Variants in RUNX3 observed in about 807,000 individuals in gnomAD.
RUNX3 encodes runt-related transcription factor 3.
RUNX3 carries 10 observed loss-of-function variants against 27.7 expected under a neutral mutation model. The ratio of observed to expected loss-of-function variants is 0.36; its 90% confidence interval spans 0.22 to 0.61. The LOEUF (loss-of-function observed/expected upper bound fraction) is 0.61, where lower values mean the gene tolerates loss of function less well. Ranked by LOEUF, RUNX3 falls within the 20% of genes least tolerant of loss-of-function variation. The probability of loss-of-function intolerance (pLI) is 0.72; values close to 1 mark genes in which losing one functional copy is unlikely to be tolerated. For missense variants in RUNX3, 469 were observed against 629.5 expected, an observed-to-expected ratio of 0.75 and a Z score of 2.73; for synonymous variants, 270 against 269.2, an observed-to-expected ratio of 1.00 and a Z score of -0.03.
In RUNX3 at chr1:24,908,043, T is replaced by C. The variant is rs909801681; in HGVS notation, c.545-626A>G. Reference sequence around the variant, plus strand: ...TGATCCGAACCTCAACCACACGCGGTGATCCGAACCTCTACGACACACGGT... The same window carrying C: ...TGATCCGAACCTCAACCACACGCGGCGATCCGAACCTCTACGACACACGGT... On this transcript the variant is annotated intron_variant, in intron 3 of 4. Transcript: ENST00000308873. 4.0e-5 allele frequency among the ~76,000 whole-genome samples: 6 copies of C among 151,466 alleles called. 1 individual carries two copies. The highest frequency in any genetic ancestry group is 1.5e-4 in the African/African-American group (6 of 41,070).
intron 2 of RUNX3, among the ~76,000 whole-genome samples, chr1:24,953,380 G>GA (rs1641822900): frequency 2.5e-5 from 1 of 40,124 alleles, no homozygotes; most frequent in African/African-American, 1.0e-4. Flanking sequence ...AAAAAAAAAA[G>GA]AAAAGAAAAG....
intron 2 of RUNX3, among the ~76,000 whole-genome samples, chr1:24,941,374 C>T (rs1015532913): frequency 6.6e-6 from 1 of 152,226 alleles, no homozygotes; most frequent in Non-Finnish European, 1.5e-5. Context: ...AGCAACCTCA[C>T]CCGAGGAGCC....
At chr1:24,905,138 T>C (rs1048382749) in intron 4 of RUNX3, among the ~76,000 whole-genome samples, 1 of 151,676 alleles carries the variant, frequency 6.6e-6, no homozygotes, top group African/African-American at 2.4e-5. Context: ...CCGAGGGAAG[T>C]GGTGGTGGGG....
At chr1:24,921,257 A>G (rs1277463198) in intron 2 of RUNX3, among the ~76,000 whole-genome samples, 1 of 152,174 alleles carries the variant, frequency 6.6e-6, no homozygotes, top group Admixed American at 6.5e-5. Context: ...TTGTTAGTCA[A>G]CTGATCAAGT....
intron 2 of RUNX3, among the ~76,000 whole-genome samples, chr1:24,926,200 G>C (rs1400531244): frequency 1.3e-5 from 2 of 152,186 alleles, no homozygotes; most frequent in Non-Finnish European, 2.9e-5. Context: ...AGCCTTGTCT[G>C]CCACCGACCA....
rs771649356 is a variant in RUNX3 at position 24,907,249 on chromosome 1, C to T, written c.703+10G>A. 30 of 1,606,424 alleles carry T rather than the reference C, an allele frequency of 1.9e-5. 1 individual carries two copies. The highest frequency in any genetic ancestry group is 1.1e-4 in the East Asian group (5 of 44,888). On this transcript the variant is annotated intron_variant, in intron 4 of 4. Transcript: ENST00000308873. ...CTCACCCCGCTGCAGCCCCTCCCTC[C>T]GTGCCGTACCTTGGATTGGGGTCTG...
intron 3 of RUNX3, among the ~76,000 whole-genome samples, chr1:24,914,375 G>A (rs535642447): frequency 5.3e-5 from 8 of 152,356 alleles, no homozygotes; most frequent in South Asian, 2.1e-4. Flanking sequence ...GTGGGGCGCC[G>A]GGCCCGAGGC....
upstream of RUNX3, among the ~76,000 whole-genome samples, chr1:24,930,688 C>G (rs1008224890): frequency 6.6e-6 from 1 of 152,114 alleles, no homozygotes; most frequent in African/African-American, 2.4e-5. This position sits in a 1 kb window ranked among gnomAD's most constrained non-coding sequence, Gnocchi z 4.1. Flanking sequence ...TCTGCAACCC[C>G]GGGCTGGGGG....
rs1373870345 is a variant in RUNX3 at position 24,901,024 on chromosome 1, T to G, written c.*1098A>C. 4.3e-4 allele frequency: 61 copies of G among 143,356 alleles called. No individual in the cohort carries two copies. The highest frequency in any genetic ancestry group is 1.7e-3 in the African/African-American group (58 of 34,186). The allele number at this position is 143,356 out of a possible 1,614,324, so 8.9% of individuals were successfully genotyped here. Reference sequence around the variant, plus strand: ...AGTTTTAAAAACTGTTTTGTTTTTTTTTTGTTTTTTTGTTTTTTTTTTTTT... The same window carrying G: ...AGTTTTAAAAACTGTTTTGTTTTTTGTTTGTTTTTTTGTTTTTTTTTTTTT... On this transcript the variant is annotated 3_prime_UTR_variant, in exon 5 of 5. Coordinates refer to ENST00000308873, the MANE Select transcript of RUNX3 (RefSeq NM_004350.3).
In RUNX3 at chr1:24,913,734, T is replaced by C. The variant is rs576508157; in HGVS notation, c.544+5506A>G. On this transcript the variant is annotated intron_variant, in intron 3 of 4. Coordinates refer to ENST00000308873, the MANE Select transcript of RUNX3 (RefSeq NM_004350.3). ...GGCTGGATTCTGGGTTGGCAGCTCC[T>C]TTACCACTGTCCCCAGGGAATCCTT... is the stretch of plus-strand genomic sequence containing the variant. 3.3e-5 allele frequency among the ~76,000 whole-genome samples: 5 copies of C among 152,308 alleles called. No individual in the cohort carries two copies. The East Asian group carries it at 9.6e-4, about 29-fold the overall frequency.
In RUNX3 at chr1:24,901,867, G is replaced by A; in HGVS notation, c.*255C>T. 1 of 495,824 alleles carries A rather than the reference G, an allele frequency of 2.0e-6. No homozygotes were observed. 30.7% of individuals were successfully genotyped at this position (495,824 alleles called of 1,614,324 possible). A position where few individuals can be genotyped will look rare whatever the true frequency, so the allele number is the denominator to read the frequency against. ...GGCAGGAGGCTGATTCCCCACAGAA[G>A]TATGGGATGAGACGGCCAGGATCTG... On this transcript the variant is annotated 3_prime_UTR_variant, in exon 5 of 5. Coordinates refer to ENST00000308873, the MANE Select transcript of RUNX3 (RefSeq NM_004350.3).
At chr1:24,919,758 C>G (rs144147905) in intron 2 of RUNX3, among the ~76,000 whole-genome samples, 90 of 151,982 alleles carry the variant, frequency 5.9e-4, no homozygotes, top group African/African-American at 2.1e-3. Flanking sequence ...AGACACCCCC[C>G]CCCCACGGTT....
Position 24,927,555 on chromosome 1 carries a change from A to C in RUNX3, c.439+19T>G. The C allele has an allele frequency of 6.2e-7, 1 of 1,613,416 alleles. No individual in the cohort carries two copies. Among genetic ancestry groups the C allele is most frequent in the Non-Finnish European group, 8.5e-7 (1 of 1,179,504 alleles). On this transcript the variant is annotated intron_variant, in intron 2 of 4. Transcript: ENST00000308873. The surrounding 1 kb of genome is among the most constrained non-coding windows in gnomAD (Gnocchi z 5.0). ...TGCCATTGCCAATGCTGAAATGGCG[A>C]GGCCTCCCTTCCACTTACCTCGCCC... is the stretch of plus-strand genomic sequence containing the variant.
rs1217366615 is a variant in RUNX3 at position 24,929,288 on chromosome 1, G to A, written c.282+299C>T. ...CCGCAGGGCTGTATCTGAGCGATCC[G>A]GGTTAGGGGGGCGCAAAACCCCATC... is the stretch of plus-strand genomic sequence containing the variant. On this transcript the variant is annotated intron_variant, in intron 1 of 4. Coordinates refer to ENST00000308873, the MANE Select transcript of RUNX3 (RefSeq NM_004350.3). 1.3e-5 allele frequency: 8 copies of A among 635,926 alleles called. 1 individual carries two copies. Among genetic ancestry groups the A allele is most frequent in the South Asian group, 3.0e-5 (2 of 66,184 alleles). 39.4% of individuals were successfully genotyped at this position (635,926 alleles called of 1,614,324 possible).
In RUNX3 at chr1:24,916,778, C is replaced by T. The variant is rs919077898; in HGVS notation, c.544+2462G>A. 3.9e-5 allele frequency among the ~76,000 whole-genome samples: 6 copies of T among 152,146 alleles called. No homozygotes were observed. Among genetic ancestry groups the T allele is most frequent in the African/African-American group, 1.4e-4 (6 of 41,418 alleles). On this transcript the variant is annotated intron_variant, in intron 3 of 4. Transcript: ENST00000308873. The surrounding 1 kb of genome is among the most constrained non-coding windows in gnomAD (Gnocchi z 4.8). ...TCTCTGCTCTGTTCTGTAAATAAAACCACTGATCCAGCCGCTGCCGGGGCC... is the reference window on the plus strand; with the variant it reads ...TCTCTGCTCTGTTCTGTAAATAAAATCACTGATCCAGCCGCTGCCGGGGCC...
intron 2 of RUNX3, among the ~76,000 whole-genome samples, chr1:24,939,148 A>G (rs74063020): frequency 0.01 from 1,566 of 152,290 alleles, 37 homozygotes; most frequent in African/African-American, 0.035. Context: ...CACATGAAGT[A>G]GGAGGCTAGG....
At position 24,919,357 on chromosome 1, in the gene RUNX3, G is replaced by A. The variant is rs775033379; in HGVS notation, c.440-13C>T. On this transcript the variant is annotated splice_polypyrimidine_tract_variant and intron_variant, in intron 2 of 4. Transcript: ENST00000308873. ...GTGAAACTCTTCCCTGGGGAGAGTGGGGAATAGAGGCAGGTGGTTGGCACC... is the reference window on the plus strand; with the variant it reads ...GTGAAACTCTTCCCTGGGGAGAGTGAGGAATAGAGGCAGGTGGTTGGCACC... 6.3e-7 allele frequency: 1 copy of A among 1,578,500 alleles called. No homozygotes were observed. Among genetic ancestry groups the A allele is most frequent in the Non-Finnish European group, 8.7e-7 (1 of 1,149,270 alleles).
intron 1 of RUNX3, chr1:24,929,179 T>C (rs1420890999): frequency 4.2e-6 from 2 of 478,682 alleles, no homozygotes; most frequent in Admixed American, 2.3e-5. Context: ...GGAGGGGTGC[T>C]GGAGGCGGAG....
chr1:24,957,222 G>A (rs1641959458), intron 2 of RUNX3, among the ~76,000 whole-genome samples: 1 of 152,348 alleles, frequency 6.6e-6, no homozygotes, highest in African/African-American at 2.4e-5. Flanking sequence ...TTGGACCGGA[G>A]TGCTCAGGCT....
Sources: allele counts gnomAD v4.1 joint callset (sites outside exome capture counted in the v4.1 genomes callset), GRCh38; gene constraint gnomAD v4.1.1; non-coding constraint Gnocchi (gnomAD v3.1); transcripts MANE v1.5; gene names NCBI Gene and HGNC (gene_info 2026-07-23, HGNC 2026-07-21).